APLF: variants seen among roughly 807,000 people sequenced by gnomAD.
The protein encoded by APLF is aprataxin and PNKP like factor.
A neutral mutation model predicts 55.6 loss-of-function variants in APLF; 61 were observed. The ratio of observed to expected loss-of-function variants is 1.10; its 90% CI spans 0.89 to 1.36. The LOEUF (loss-of-function observed/expected upper bound fraction) is 1.36. Among genes scored for constraint, APLF ranks in the 40% most tolerant of loss-of-function variants. The probability of loss-of-function intolerance (pLI) is 0.00; values close to 1 mark genes in which losing one functional copy is unlikely to be tolerated. For synonymous variants in APLF, 207 were observed against 214.8 expected (o/e 0.96, Z 0.32); for missense variants, 611 against 602.5 (o/e 1.01, Z -0.15).
chr2:68,574,534 A>G (rs35452820), intron 9 of APLF, among the ~76,000 whole-genome samples: 25,781 of 152,194 alleles, frequency 0.17, 2,533 homozygotes, highest in Non-Finnish European at 0.23. Flanking sequence ...GTACCTGTTC[A>G]TGTGAGTTAA....
intron 9 of APLF, among the ~76,000 whole-genome samples, chr2:68,574,418 A>G (rs1185815523): frequency 6.6e-6 from 1 of 152,230 alleles, no homozygotes; most frequent in Non-Finnish European, 1.5e-5. Context: ...CCTGTTATGA[A>G]GGATCTGTGT....
chr2:68,531,145 C>T (rs1330319622), intron 6 of APLF, among the ~76,000 whole-genome samples: 1 of 152,140 alleles, frequency 6.6e-6, no homozygotes, highest in Non-Finnish European at 1.5e-5. Flanking sequence ...GATGGTTTGG[C>T]TGAAATACGC....
At chr2:68,476,224 G>A (rs372389382) in intron 1 of APLF, among the ~76,000 whole-genome samples, 1 of 151,762 alleles carries the variant, frequency 6.6e-6, no homozygotes, top group African/African-American at 2.4e-5. Context: ...TAGGACTTTC[G>A]CCTGTAATCC....
intron 5 of APLF, among the ~76,000 whole-genome samples, chr2:68,519,839 G>T (rs1669843249): frequency 6.6e-6 from 1 of 151,624 alleles, no homozygotes; most frequent in Admixed American, 6.6e-5. Context: ...AGCCAGTAGT[G>T]GGTTGCTAGA....
intron 5 of APLF, among the ~76,000 whole-genome samples, chr2:68,521,434 ATTTAT>A (rs1310375646): frequency 6.6e-6 from 1 of 151,764 alleles, no homozygotes; most frequent in Non-Finnish European, 1.5e-5. Context: ...TATAGTTCTA[ATTTAT>A]TTTATTTTTT....
At chr2:68,511,296 CTG>C (rs1677043426) in intron 3 of APLF, among the ~76,000 whole-genome samples, 1 of 151,374 alleles carries the variant, frequency 6.6e-6, no homozygotes, top group South Asian at 2.1e-4. Flanking sequence ...TTTATAAATC[CTG>C]TGATAGTTGA....
intron 8 of APLF, among the ~76,000 whole-genome samples, chr2:68,548,761 T>G (rs1425581963): frequency 6.6e-6 from 1 of 151,994 alleles, no homozygotes; most frequent in East Asian, 1.9e-4. Context: ...AAAAAACTTT[T>G]GTAATGGAGA....
At chr2:68,564,837 G>A (rs1671256805) in intron 8 of APLF, among the ~76,000 whole-genome samples, 2 of 152,084 alleles carry the variant, frequency 1.3e-5, no homozygotes, top group Non-Finnish European at 2.9e-5. Flanking sequence ...TTTGGCTGTG[G>A]TTTGAGAAGG....
At chr2:68,507,276 A>G (rs372395357) in intron 3 of APLF, among the ~76,000 whole-genome samples, 16 of 152,010 alleles carry the variant, frequency 1.1e-4, no homozygotes, top group Non-Finnish European at 1.3e-4. Context: ...CTCCTTTGCC[A>G]TAATTCTTTT....
At chr2:68,506,601 A>G (rs1676878496) in intron 3 of APLF, among the ~76,000 whole-genome samples, 1 of 151,996 alleles carries the variant, frequency 6.6e-6, no homozygotes, top group Non-Finnish European at 1.5e-5. Context: ...TGACAGATGA[A>G]GAAATTGGGA....
intron 9 of APLF, among the ~76,000 whole-genome samples, chr2:68,573,557 C>T (rs1296607266): frequency 1.3e-5 from 2 of 151,556 alleles, no homozygotes; most frequent in Non-Finnish European, 2.9e-5. Context: ...CCTGTAATCC[C>T]AGCTACTCAG....
Position 68,502,765 on chromosome 2 carries a change from A to G in APLF, c.203A>G (p.Glu68Gly). ...HTNPCFYQSS[E>G]KSQLLPLKPN... ...AATCCATGTTTTTACCAGTCTTCAG[A>G]GAAGAGTCAGCTCTTACCATTGAAG... The change falls in exon 3 of 10, where the codon GAG becomes GGG. Residue 68 changes from glutamate to glycine, a missense_variant. By Grantham distance (98) the Glu-to-Gly change is moderately conservative. Coordinates refer to ENST00000303795, the MANE Select transcript of APLF (RefSeq NM_173545.3). 6.3e-7 allele frequency: 1 copy of G among 1,578,056 alleles called. No homozygotes were observed.
intron 1 of APLF, among the ~76,000 whole-genome samples, chr2:68,470,843 G>A (rs1197188484): frequency 6.6e-6 from 1 of 152,162 alleles, no homozygotes; most frequent in East Asian, 1.9e-4. Context: ...GAACAGGGAA[G>A]GTCATAGGCT....
chr2:68,579,928 T>C lies in APLF; in HGVS notation c.*1906T>C, dbSNP rs1039892194. Reference sequence around the variant, plus strand: ...GCATTGTACACTTTCAAAGGGTAGATTTCATTGCACGTGAACTATATATTT... The same window carrying C: ...GCATTGTACACTTTCAAAGGGTAGACTTCATTGCACGTGAACTATATATTT... On this transcript the variant is annotated 3_prime_UTR_variant, in exon 10 of 10. Coordinates refer to ENST00000303795, the MANE Select transcript of APLF (RefSeq NM_173545.3). 4 of 689,888 alleles carry C rather than the reference T, an allele frequency of 5.8e-6. No homozygotes were observed. In the African/African-American group the frequency reaches 7.8e-5, roughly 13 times the overall value. The allele number at this position is 689,888 out of a possible 1,614,324, so 42.7% of individuals were successfully genotyped here.
intron 5 of APLF, among the ~76,000 whole-genome samples, chr2:68,518,543 A>AATGTATCATGAAT (rs2103966784): frequency 8.4e-6 from 1 of 118,834 alleles, no homozygotes; most frequent in Admixed American, 1.0e-4. Flanking sequence ...AATATATAAT[A>AATGTATCATGAAT]ATATATCAAT....
intron 8 of APLF, among the ~76,000 whole-genome samples, chr2:68,554,086 A>C (rs34002020): frequency 0.095 from 14,382 of 152,030 alleles, 824 homozygotes; most frequent in African/African-American, 0.15. Context: ...GTATTGTCTT[A>C]TAGGTTCAAA....
intron 7 of APLF, among the ~76,000 whole-genome samples, chr2:68,543,989 T>C (rs937087849): frequency 6.7e-6 from 1 of 150,330 alleles, no homozygotes. Context: ...TTCTTTTTTT[T>C]TTTTTTTTTT....
chr2:68,567,259 G>A (rs533432596), intron 8 of APLF, 82 bp from the exon 9 acceptor site: 1 of 1,170,646 alleles, frequency 8.5e-7, no homozygotes, highest in African/African-American at 1.6e-5. Flanking sequence ...TTGTAAGTTA[G>A]TCAGTGTTCT....
intron 8 of APLF, chr2:68,563,016 C>T: frequency 2.1e-6 from 2 of 965,040 alleles, no homozygotes; most frequent in Non-Finnish European, 2.5e-6. Context: ...AATTTTTGAG[C>T]CTGTCATAGA....
Sources: gnomAD v4.1 joint callset for allele counts (sites outside exome capture counted in the v4.1 genomes callset) on GRCh38, gnomAD v4.1.1 for gene constraint, MANE v1.5 for transcripts, NCBI Gene and HGNC (gene_info 2026-07-23, HGNC 2026-07-21) for gene names.